The following PDGFC variants were observed in gnomAD, a reference collection of about 807,000 sequenced individuals.
PDGFC encodes the protein platelet derived growth factor C.
In PDGFC, 12 loss-of-function variants were observed where a neutral mutation model predicts 35.5. The ratio of observed to expected loss-of-function variants is 0.34; its 90% CI spans 0.22 to 0.55. PDGFC has a LOEUF of 0.55. Ranked by LOEUF, PDGFC falls within the 20% of genes least tolerant of loss-of-function variation. The pLI is 0.91. For synonymous variants in PDGFC, 159 were observed against 148.8 expected, an observed-to-expected ratio of 1.07 and a Z score of -0.50; for missense variants, 322 against 412.4, an observed-to-expected ratio of 0.78 and a Z score of 1.90.
chr4:156,938,998 A>C (rs1731745872), intron 1 of PDGFC, among the ~76,000 whole-genome samples: 1 of 152,066 alleles, frequency 6.6e-6, no homozygotes, highest in East Asian at 1.9e-4. Context: ...CCTATTAACA[A>C]GAGGTCAAAA....
chr4:156,937,612 A>G (rs1262817122), intron 1 of PDGFC, among the ~76,000 whole-genome samples: 1 of 152,132 alleles, frequency 6.6e-6, no homozygotes, highest in African/African-American at 2.4e-5. Context: ...AGGTGGGAGG[A>G]TCACATGAGC....
At chr4:156,862,780 T>C (rs1390723451) in intron 1 of PDGFC, among the ~76,000 whole-genome samples, 1 of 151,792 alleles carries the variant, frequency 6.6e-6, no homozygotes, top group East Asian at 1.9e-4. Context: ...CTGCAACCTC[T>C]GCTGCCTGGG....
At chr4:156,829,832 T>C (rs988358605) in intron 2 of PDGFC, among the ~76,000 whole-genome samples, 5 of 152,144 alleles carry the variant, frequency 3.3e-5, no homozygotes, top group Non-Finnish European at 7.4e-5. Flanking sequence ...TCACTGAGCC[T>C]CAATATCCCT....
chr4:156,882,860 A>G (rs1388263412), intron 1 of PDGFC, among the ~76,000 whole-genome samples: 1 of 152,082 alleles, frequency 6.6e-6, no homozygotes, highest in African/African-American at 2.4e-5. Flanking sequence ...CAAGGCAGGC[A>G]GATCATAAGG....
chr4:156,786,919 T>C (rs1453407326), intron 3 of PDGFC, among the ~76,000 whole-genome samples: 3 of 152,108 alleles, frequency 2.0e-5, no homozygotes, highest in Admixed American at 1.3e-4. Flanking sequence ...GAAAATAGAA[T>C]GCAGGAAGGC....
rs192744281 is a variant in PDGFC, at chr4:156,793,806, T to C, written c.495+17031A>G. On this transcript the variant is annotated intron_variant, in intron 3 of 5. Coordinates refer to ENST00000502773, the MANE Select transcript of PDGFC (RefSeq NM_016205.3). ...TCATGATAATATATGGCAGAAATTT[T>C]TGTCATTCACATTTTTGGATTAAAA... 1.7e-4 allele frequency among the ~76,000 whole-genome samples: 25 copies of C among 146,168 alleles called. No homozygotes were observed. In the East Asian group the frequency reaches 4.7e-3, roughly 28 times the overall value.
chr4:156,933,796 G>A (rs2110884967), intron 1 of PDGFC, among the ~76,000 whole-genome samples: 1 of 152,192 alleles, frequency 6.6e-6, no homozygotes, highest in Non-Finnish European at 1.5e-5. Flanking sequence ...TGGTTTAAAA[G>A]TGTAGCACTT....
chr4:156,769,169 A>G (rs529883244), intron 4 of PDGFC, among the ~76,000 whole-genome samples: 13 of 151,794 alleles, frequency 8.6e-5, no homozygotes, highest in Non-Finnish European at 1.3e-4. Flanking sequence ...ATACCTTTCC[A>G]CTAATATGGA....
chr4:156,891,494 G>A (rs986933084), intron 1 of PDGFC, among the ~76,000 whole-genome samples: 2 of 152,040 alleles, frequency 1.3e-5, no homozygotes, highest in Admixed American at 1.3e-4. Flanking sequence ...TAAGAACAGG[G>A]TAAAATTTTT....
intron 1 of PDGFC, among the ~76,000 whole-genome samples, chr4:156,853,680 GC>G (rs1378779103): frequency 1.3e-5 from 2 of 152,070 alleles, no homozygotes; most frequent in African/African-American, 2.4e-5. Context: ...ATAATGCTCG[GC>G]CCAGGCACTG....
At chr4:156,970,143 T>C (rs1450197706) in intron 1 of PDGFC, among the ~76,000 whole-genome samples, 10 of 152,154 alleles carry the variant, frequency 6.6e-5, no homozygotes, top group Non-Finnish European at 1.3e-4. Flanking sequence ...GATTAAGTCG[T>C]TTCCAGCACA....
intron 1 of PDGFC, among the ~76,000 whole-genome samples, chr4:156,909,658 T>TGTTAACA (rs1262609727): frequency 6.6e-6 from 1 of 152,166 alleles, no homozygotes; most frequent in African/African-American, 2.4e-5. Flanking sequence ...TACATTCCAA[T>TGTTAACA]GTTAACAGTG....
At chr4:156,868,205 T>C (rs1729891413) in intron 1 of PDGFC, among the ~76,000 whole-genome samples, 1 of 152,212 alleles carries the variant, frequency 6.6e-6, no homozygotes, top group East Asian at 1.9e-4. Flanking sequence ...TTAAATCCTA[T>C]GAATGTCACA....
chr4:156,955,970 T>G (rs1209344633), intron 1 of PDGFC, among the ~76,000 whole-genome samples: 1 of 152,010 alleles, frequency 6.6e-6, no homozygotes, highest in African/African-American at 2.4e-5. Context: ...GATAACCCCA[T>G]GAGAAGCCCT....
intron 2 of PDGFC, among the ~76,000 whole-genome samples, chr4:156,829,525 A>C (rs1238662309): frequency 3.3e-5 from 5 of 151,994 alleles, no homozygotes; most frequent in African/African-American, 9.7e-5. Flanking sequence ...TCACTTTAAA[A>C]TTTTCCTCTT....
At chr4:156,967,302 T>C (rs190917249) in intron 1 of PDGFC, 2 of 152,118 alleles carry the variant, frequency 1.3e-5, no homozygotes, top group African/African-American at 2.4e-5. Context: ...GCATTGACAG[T>C]AGGAAGAGAA....
chr4:156,937,277 T>C (rs1327131715), intron 1 of PDGFC, among the ~76,000 whole-genome samples: 2 of 152,170 alleles, frequency 1.3e-5, no homozygotes, highest in African/African-American at 4.8e-5. Flanking sequence ...TTTGAACGCA[T>C]AAAATTATGT....
intron 3 of PDGFC, among the ~76,000 whole-genome samples, chr4:156,773,902 A>C (rs952725219): frequency 9.2e-5 from 14 of 152,206 alleles, no homozygotes; most frequent in African/African-American, 3.4e-4. Context: ...ATGCCCACAT[A>C]TAGGAAAACA....
rs535859057 is a variant in PDGFC, at chr4:156,849,436, A to G, written c.314+785T>C. 1.7e-3 allele frequency among the ~76,000 whole-genome samples: 257 copies of G among 152,136 alleles called. 1 individual carries two copies. The highest frequency in any genetic ancestry group is 3.3e-3 in the Non-Finnish European group (221 of 67,964). On this transcript the variant is annotated intron_variant, in intron 2 of 5. Coordinates refer to ENST00000502773, the MANE Select transcript of PDGFC (RefSeq NM_016205.3). ...AAAATTCTCTTTTAACTTGTATATC[A>G]AAGAGAAAATAAAAAATCCAGTGAA... is the stretch of plus-strand genomic sequence containing the variant.
Sources: gnomAD v4.1 joint callset for allele counts (sites outside exome capture counted in the v4.1 genomes callset) on GRCh38, gnomAD v4.1.1 for gene constraint, MANE v1.5 for transcripts, NCBI Gene and HGNC (gene_info 2026-07-23, HGNC 2026-07-21) for gene names.